The following CADM4 variants were observed in gnomAD, a reference collection of about 807,000 sequenced individuals.
CADM4 encodes the protein cell adhesion molecule 4, also known as TSLC1-like 2.
A neutral mutation model predicts 43.9 loss-of-function variants in CADM4; 13 were observed. The ratio of observed to expected loss-of-function variants is 0.30; its 90% CI spans 0.19 to 0.47. CADM4 has a LOEUF of 0.47. CADM4 is among the 20% of genes least tolerant of loss of function. The pLI is 1.00. For synonymous variants in CADM4, 209 were observed against 220.9 expected (o/e 0.95, Z 0.48); for missense variants, 420 against 527.0 (o/e 0.80, Z 1.99).
rs1300319913 is a variant in CADM4, at chr19:43,622,377, C to G, written c.*953G>C. 2 of 152,220 alleles carry G rather than the reference C, an allele frequency of 1.3e-5. No homozygotes were observed. Among genetic ancestry groups the G allele is most frequent in the African/African-American group, 2.4e-5 (1 of 41,444 alleles). 9.4% of individuals were successfully genotyped at this position (152,220 alleles called of 1,614,324 possible). A position where few individuals can be genotyped will look rare whatever the true frequency, so the allele number is the denominator to read the frequency against. On this transcript the variant is annotated 3_prime_UTR_variant, in exon 9 of 9. Coordinates refer to ENST00000222374, the MANE Select transcript of CADM4 (RefSeq NM_145296.2). The stretch of plus-strand genomic sequence containing the variant: ...CAGCCACCCCAAACACTTGTTCTCT[C>G]CTCAGTTTAATGGTGGTTAGTGAGA...
Position 43,627,440 on chromosome 19 carries a change from G to A in CADM4, c.212-122C>T, listed in dbSNP as rs1973548380. ...TTTCTCCAGCCATATCTATGAGTCT[G>A]AGGTGTCCAACTATTTACTCCCTTG... On this transcript the variant is annotated intron_variant, in intron 2 of 8. Transcript: ENST00000222374. The surrounding 1 kb of genome is among the most constrained non-coding windows in gnomAD (Gnocchi z 4.0). 7.7e-7 allele frequency: 1 copy of A among 1,301,332 alleles called. No individual in the cohort carries two copies. The highest frequency in any genetic ancestry group is 2.4e-4 in the Middle Eastern group (1 of 4,190). 80.6% of individuals were successfully genotyped at this position (1,301,332 alleles called of 1,614,324 possible).
chr19:43,635,899 C>G (rs1423562131), intron 1 of CADM4, among the ~76,000 whole-genome samples: 34 of 143,080 alleles, frequency 2.4e-4, no homozygotes, highest in South Asian at 6.9e-4. Flanking sequence ...AAGACCCCAG[C>G]CCCCTCCTCC....
At position 43,638,955 on chromosome 19, in the gene CADM4, A is replaced by AGG. The variant is rs140903388; in HGVS notation, c.64+770_64+771dup. 6.8e-3 allele frequency among the ~76,000 whole-genome samples: 1,042 copies of AGG among 152,244 alleles called. 12 individuals carry two copies. Among genetic ancestry groups the AGG allele is most frequent in the African/African-American group, 0.024 (999 of 41,528 alleles). Reference sequence around the variant, plus strand: ...GGATGGAGGCTGTAAGCGTAGAGAGAGGAGGCACAGCAGAAAGACAGGGAT... The same window carrying AGG: ...GGATGGAGGCTGTAAGCGTAGAGAGAGGGGAGGCACAGCAGAAAGACAGGGAT... On this transcript the variant is annotated intron_variant, in intron 1 of 8. Coordinates refer to ENST00000222374, the MANE Select transcript of CADM4 (RefSeq NM_145296.2).
In CADM4 at chr19:43,626,763, T is replaced by TC. The variant is rs1973534607; in HGVS notation, c.499+20dup. 6.4e-7 allele frequency: 1 copy of TC among 1,550,416 alleles called. No individual in the cohort carries two copies. Among genetic ancestry groups the TC allele is most frequent in the Non-Finnish European group, 8.7e-7 (1 of 1,145,268 alleles). ...AGTCCCACCTCCTCCCCATCCCTTG[T>TC]CAGCACTCGGCCCAGGGTACCTTTC... is the stretch of plus-strand genomic sequence containing the variant. On this transcript the variant is annotated intron_variant, in intron 4 of 8. Transcript: ENST00000222374. The surrounding 1 kb of genome is among the most constrained non-coding windows in gnomAD (Gnocchi z 5.9).
chr19:43,629,266 C>T (rs1370853188), intron 1 of CADM4, among the ~76,000 whole-genome samples: 1 of 152,166 alleles, frequency 6.6e-6, no homozygotes, highest in Non-Finnish European at 1.5e-5. Flanking sequence ...CTCTAACTGA[C>T]TGTCCCCCAT....
chr19:43,627,367 C>T lies in CADM4; in HGVS notation c.212-49G>A. ...GTGAATTTCGGGAGTCCTGGCCTCACAAGTCCCACCCTTCCGACAGGAGCT... is the reference window on the plus strand; with the variant it reads ...GTGAATTTCGGGAGTCCTGGCCTCATAAGTCCCACCCTTCCGACAGGAGCT... On this transcript the variant is annotated intron_variant, in intron 2 of 8. Transcript: ENST00000222374. This position sits in a 1 kb window ranked among gnomAD's most constrained non-coding sequence, Gnocchi z 4.0. 1.3e-6 allele frequency: 2 copies of T among 1,517,650 alleles called. No individual in the cohort carries two copies. Among genetic ancestry groups the T allele is most frequent in the South Asian group, 2.6e-5 (2 of 76,334 alleles). The allele number at this position is 1,517,650 out of a possible 1,614,324, so 94.0% of individuals were successfully genotyped here. A position where few individuals can be genotyped will look rare whatever the true frequency, so the allele number is the denominator to read the frequency against.
chr19:43,622,595 G>A lies in CADM4; in HGVS notation c.*735C>T, dbSNP rs889081146. 3 of 152,434 alleles carry A rather than the reference G, an allele frequency of 2.0e-5. No homozygotes were observed. Among genetic ancestry groups the A allele is most frequent in the South Asian group, 2.1e-4 (1 of 4,832 alleles). The allele number at this position is 152,434 out of a possible 1,614,324, so 9.4% of individuals were successfully genotyped here. On this transcript the variant is annotated 3_prime_UTR_variant, in exon 9 of 9. Transcript: ENST00000222374. ...TTATATATAAAACCATGAAGACCAC[G>A]AATCCTCCCCAAACTCCTTTCCCCC...
rs111737263 is a variant in CADM4, at chr19:43,623,451, A to C, written c.1058-12T>G. 1.5e-3 allele frequency: 2,323 copies of C among 1,564,702 alleles called. 34 individuals are homozygous for C. In the African/African-American group the frequency reaches 0.028, roughly 19 times the overall value. On this transcript the variant is annotated splice_polypyrimidine_tract_variant and intron_variant, in intron 8 of 8. Transcript: ENST00000222374. The surrounding 1 kb of genome is among the most constrained non-coding windows in gnomAD (Gnocchi z 4.4). Reference sequence around the variant, plus strand: ...GGTCAGATAGGAACCTGAGGGGGTGACAGACCCCCGGGGCAGGGGGGACAT... The same window carrying C: ...GGTCAGATAGGAACCTGAGGGGGTGCCAGACCCCCGGGGCAGGGGGGACAT...
At chr19:43,624,935 GC>G (rs1973496918) in intron 7 of CADM4, 142 bp downstream of exon 7, 1 of 872,146 alleles carries the variant, frequency 1.1e-6, no homozygotes, top group Non-Finnish European at 1.7e-6. Context: ...CCGAATTTGA[GC>G]CCCGCGGGCC....
rs552860624 is a variant in CADM4, at chr19:43,627,534, C to T, written c.211+110G>A. ...GTCCGGGACCCCAGCCCTTTCTTCTCCGAGACCCAGGAGACCAAACTCTCA... is the reference window on the plus strand; with the variant it reads ...GTCCGGGACCCCAGCCCTTTCTTCTTCGAGACCCAGGAGACCAAACTCTCA... On this transcript the variant is annotated intron_variant, in intron 2 of 8. Transcript: ENST00000222374. The surrounding 1 kb of genome is among the most constrained non-coding windows in gnomAD (Gnocchi z 4.0). 1.3e-5 allele frequency: 17 copies of T among 1,359,272 alleles called. No homozygotes were observed. In the South Asian group the frequency reaches 2.3e-4, roughly 19 times the overall value. 84.2% of individuals were successfully genotyped at this position (1,359,272 alleles called of 1,614,324 possible).
intron 1 of CADM4, among the ~76,000 whole-genome samples, chr19:43,635,670 C>T (rs775212637): frequency 2.7e-5 from 4 of 150,090 alleles, no homozygotes; most frequent in Non-Finnish European, 5.9e-5. Flanking sequence ...TCTAAGATCC[C>T]AGGCCCCTCC....
chr19:43,623,868 T>C lies in CADM4; in HGVS notation c.1057+246A>G, dbSNP rs1973479413. ...TATCCGCCTTGGCCTCCCAACGTGCTGGGATTACAGGCGTGAGCCACCGCG... is the reference window on the plus strand; with the variant it reads ...TATCCGCCTTGGCCTCCCAACGTGCCGGGATTACAGGCGTGAGCCACCGCG... On this transcript the variant is annotated intron_variant, in intron 8 of 8. Transcript: ENST00000222374. The surrounding 1 kb of genome is among the most constrained non-coding windows in gnomAD (Gnocchi z 4.4). 2.0e-5 allele frequency among the ~76,000 whole-genome samples: 3 copies of C among 152,248 alleles called. No homozygotes were observed. Among genetic ancestry groups the C allele is most frequent in the Admixed American group, 6.5e-5 (1 of 15,290 alleles).
At position 43,625,100 on chromosome 19, in the gene CADM4, C is replaced by T. The variant is rs562160051; in HGVS notation, c.906G>A (p.Ala302=). The stretch of plus-strand genomic sequence containing the variant: ...CACCGTAGACCACAAGTACGTAGAG[C>T]GCCCTCGCATGGCCGTGCTTATTGG... The part of the protein sequence containing the change: ...EASNKHGHAR[A]LYVLVVYDPG... The change falls in exon 7 of 9, where the codon GCG becomes GCA. Residue 302 remains alanine (A), a synonymous_variant. Transcript: ENST00000222374. This position sits in a 1 kb window ranked among gnomAD's most constrained non-coding sequence, Gnocchi z 4.5. 14 of 1,611,318 alleles carry T rather than the reference C, an allele frequency of 8.7e-6. No homozygotes were observed. The East Asian group carries it at 3.1e-4, about 36-fold the overall frequency.
At chr19:43,624,014 G>C (rs1318052367) in intron 8 of CADM4, 100 bp downstream of exon 8, 2 of 1,465,180 alleles carry the variant, frequency 1.4e-6, no homozygotes, top group Non-Finnish European at 1.8e-6. Context: ...TTGGAATCCA[G>C]AGCCTAGGCT....
intron 1 of CADM4, among the ~76,000 whole-genome samples, chr19:43,629,317 C>T (rs1973581899): frequency 6.6e-6 from 1 of 152,130 alleles, no homozygotes; most frequent in South Asian, 2.1e-4. Context: ...AAGAAATATA[C>T]CTTTTTGTTA....
rs1460520493 is a variant in CADM4, at chr19:43,625,695, T to A, written c.755+216A>T. On this transcript the variant is annotated intron_variant, in intron 6 of 8. Coordinates refer to ENST00000222374, the MANE Select transcript of CADM4 (RefSeq NM_145296.2). The surrounding 1 kb of genome is among the most constrained non-coding windows in gnomAD (Gnocchi z 4.5). The stretch of plus-strand genomic sequence containing the variant: ...GGAGTCTGAGCCTCCAGATTCCTCC[T>A]CCCTCAGGATCCAGGAGTCCAGGTC... 6.6e-6 allele frequency among the ~76,000 whole-genome samples: 1 copy of A among 152,062 alleles called. No homozygotes were observed. The highest frequency in any genetic ancestry group is 2.4e-5 in the African/African-American group (1 of 41,394).
At chr19:43,632,877 G>A (rs1182915017) in intron 1 of CADM4, among the ~76,000 whole-genome samples, 2 of 151,928 alleles carry the variant, frequency 1.3e-5, no homozygotes, top group Non-Finnish European at 2.9e-5. Flanking sequence ...CTCAGGTCAG[G>A]AGTTCAAGAC....
chr19:43,628,983 A>G (rs996826614), intron 1 of CADM4, among the ~76,000 whole-genome samples: 2 of 152,236 alleles, frequency 1.3e-5, no homozygotes, highest in African/African-American at 4.8e-5. Context: ...TCATGAACAA[A>G]TAAGGTGGTG....
At position 43,625,353 on chromosome 19, in the gene CADM4, T is replaced by TCCA; in HGVS notation, c.756-106_756-104dup. The TCCA allele has an allele frequency of 8.4e-7, 1 of 1,189,944 alleles. No individual in the cohort carries two copies. Among genetic ancestry groups the TCCA allele is most frequent in the Non-Finnish European group, 1.2e-6 (1 of 861,608 alleles). 73.7% of individuals were successfully genotyped at this position (1,189,944 alleles called of 1,614,324 possible). ...ATGCAACTCTCATCCCGCAGGGACC[T>TCCA]CCAAATAAGAGGCTTCCTGCTATCT... On this transcript the variant is annotated intron_variant, in intron 6 of 8. Transcript: ENST00000222374. This position sits in a 1 kb window ranked among gnomAD's most constrained non-coding sequence, Gnocchi z 4.5.
Sources: gnomAD v4.1 joint callset for allele counts (sites outside exome capture counted in the v4.1 genomes callset) on GRCh38, gnomAD v4.1.1 for gene constraint, Gnocchi (gnomAD v3.1) non-coding constraint, MANE v1.5 for transcripts, NCBI Gene and HGNC (gene_info 2026-07-23, HGNC 2026-07-21) for gene names.